Variants in GABBR2 observed in about 807,000 individuals in gnomAD.
GABBR2 encodes the protein gamma-aminobutyric acid type B receptor subunit 2.
Under a neutral mutation model 105.6 loss-of-function variants are expected in GABBR2, and 23 were observed. The ratio of observed to expected loss-of-function variants is 0.22; its 90% CI spans 0.16 to 0.31. The LOEUF is 0.31. Ranked by LOEUF, GABBR2 falls within the 10% of genes least tolerant of loss-of-function variation. GABBR2 has a pLI of 1.00. For missense variants in GABBR2, 734 were observed against 1,245.5 expected (o/e 0.59, Z 6.18); for synonymous variants, 478 against 499.7 (o/e 0.96, Z 0.58).
chr9:98,635,809 G>A (rs1345110582), intron 1 of GABBR2, among the ~76,000 whole-genome samples: 2 of 152,192 alleles, frequency 1.3e-5, no homozygotes, highest in Non-Finnish European at 2.9e-5. Context: ...GTCTTAGACT[G>A]GGTACAGGAT....
intron 1 of GABBR2, among the ~76,000 whole-genome samples, chr9:98,603,809 G>C (rs1420060957): frequency 6.6e-6 from 1 of 152,124 alleles, no homozygotes; most frequent in Non-Finnish European, 1.5e-5. Flanking sequence ...AGAATATTCT[G>C]GTTCTTACTT....
At chr9:98,670,262 C>T (rs942724397) in intron 1 of GABBR2, among the ~76,000 whole-genome samples, 1 of 148,746 alleles carries the variant, frequency 6.7e-6, no homozygotes, top group African/African-American at 2.6e-5. Flanking sequence ...AGAACATTTT[C>T]GTCACCTCAA....
chr9:98,428,830 G>A (rs1208511510), intron 7 of GABBR2, among the ~76,000 whole-genome samples: 1 of 152,198 alleles, frequency 6.6e-6, no homozygotes, highest in Non-Finnish European at 1.5e-5. Context: ...GGCCTAGAAT[G>A]GACCTGGCCC....
At chr9:98,491,513 G>A (rs966103053) in intron 4 of GABBR2, among the ~76,000 whole-genome samples, 3 of 152,180 alleles carry the variant, frequency 2.0e-5, no homozygotes, top group Non-Finnish European at 4.4e-5. Context: ...ACATGGATGA[G>A]ATTTCCTTTG....
intron 1 of GABBR2, among the ~76,000 whole-genome samples, chr9:98,660,607 A>T (rs1400053148): frequency 6.6e-6 from 1 of 152,220 alleles, no homozygotes; most frequent in Non-Finnish European, 1.5e-5. Context: ...AAACAACACA[A>T]ATGTACTATT....
At chr9:98,673,712 T>C (rs887786351) in intron 1 of GABBR2, among the ~76,000 whole-genome samples, 13 of 152,126 alleles carry the variant, frequency 8.5e-5, no homozygotes, top group African/African-American at 2.4e-4. Flanking sequence ...CCGAGTACAA[T>C]TGATGCCCTA....
intron 15 of GABBR2, among the ~76,000 whole-genome samples, chr9:98,304,532 C>T (rs908019416): frequency 2.6e-5 from 4 of 152,192 alleles, no homozygotes; most frequent in African/African-American, 4.8e-5. Flanking sequence ...AGAGAAGTCA[C>T]GGTGTTGCCC....
At chr9:98,376,313 C>T (rs1354124635) in intron 11 of GABBR2, among the ~76,000 whole-genome samples, 1 of 152,174 alleles carries the variant, frequency 6.6e-6, no homozygotes, top group Non-Finnish European at 1.5e-5. Context: ...CAGGCCTGTT[C>T]TGACAGATGA....
At chr9:98,394,910 T>C (rs1028319381) in intron 8 of GABBR2, among the ~76,000 whole-genome samples, 1 of 152,308 alleles carries the variant, frequency 6.6e-6, no homozygotes, top group African/African-American at 2.4e-5. Context: ...CATCCTTAGG[T>C]TGAATTTGCA....
At chr9:98,359,232 A>G (rs1306650155) in intron 13 of GABBR2, among the ~76,000 whole-genome samples, 1 of 152,074 alleles carries the variant, frequency 6.6e-6, no homozygotes, top group East Asian at 1.9e-4. Context: ...GTTTGAGACC[A>G]GCCTGGACAA....
intron 11 of GABBR2, among the ~76,000 whole-genome samples, chr9:98,374,588 A>G (rs648085): frequency 0.33 from 50,622 of 152,090 alleles, 9,902 homozygotes; most frequent in African/African-American, 0.54. Context: ...ATTTTGTTAC[A>G]TAGTAGGCAG....
rs763713514 is a variant in GABBR2, at chr9:98,708,483, G to T, written c.255C>A (p.Ile85=). ...RGVLPAVELA[I]EQIRNESLLR... is the part of the protein sequence containing the mutation. ...GGAGTGACTCGTTGCGGATCTGCTC[G>T]ATGGCCAGTTCCACGGCGGGGAGCA... The change falls in exon 1 of 19, where the codon ATC becomes ATA. Residue 85 remains isoleucine, a synonymous_variant. Coordinates refer to ENST00000259455, the MANE Select transcript of GABBR2 (RefSeq NM_005458.8). 6.3e-7 allele frequency: 1 copy of T among 1,594,102 alleles called. No homozygotes were observed. Among genetic ancestry groups the T allele is most frequent in the East Asian group, 2.3e-5 (1 of 43,836 alleles).
intron 1 of GABBR2, among the ~76,000 whole-genome samples, chr9:98,671,020 A>T (rs138129632): frequency 5.4e-4 from 82 of 152,358 alleles, no homozygotes; most frequent in Non-Finnish European, 1.1e-3. Context: ...TGATTAAAAA[A>T]ATGGAAAATG....
At chr9:98,701,313 G>T (rs992632180) in intron 1 of GABBR2, among the ~76,000 whole-genome samples, 5 of 152,150 alleles carry the variant, frequency 3.3e-5, no homozygotes, top group Non-Finnish European at 7.4e-5. Flanking sequence ...AAGGAATTTG[G>T]GGACAGAGAA....
At chr9:98,704,259 G>T (rs548992883) in intron 1 of GABBR2, among the ~76,000 whole-genome samples, 3 of 152,106 alleles carry the variant, frequency 2.0e-5, no homozygotes, top group Admixed American at 6.5e-5. Context: ...AAGATATTTG[G>T]CAAAGCCACT....
chr9:98,693,217 C>T (rs1177540426), intron 1 of GABBR2, among the ~76,000 whole-genome samples: 4 of 152,226 alleles, frequency 2.6e-5, no homozygotes, highest in Non-Finnish European at 4.4e-5. Context: ...GGTCCTGCCC[C>T]CTGATGAGGT....
At chr9:98,316,305 C>T (rs1830716945) in intron 13 of GABBR2, among the ~76,000 whole-genome samples, 1 of 152,214 alleles carries the variant, frequency 6.6e-6, no homozygotes, top group Non-Finnish European at 1.5e-5. Flanking sequence ...GCATGCGCCA[C>T]CACGCCCAGC....
In GABBR2 at chr9:98,321,778, G is replaced by A. The variant is rs532820363; in HGVS notation, c.1894-10573C>T. Among the ~76,000 whole-genome samples the A allele has an allele frequency of 7.2e-5, 11 of 152,288 alleles. No individual in the cohort carries two copies. The South Asian group carries it at 2.3e-3, about 32-fold the overall frequency. On this transcript the variant is annotated intron_variant, in intron 13 of 18. Transcript: ENST00000259455. ...AGAAGAAATAAAGTAAGAACATGAC[G>A]ACAGCACAGTTGTGTGGCTTATACT... is the stretch of plus-strand genomic sequence containing the variant.
At chr9:98,612,921 G>T (rs928661073) in intron 1 of GABBR2, among the ~76,000 whole-genome samples, 9 of 152,336 alleles carry the variant, frequency 5.9e-5, no homozygotes, top group Middle Eastern at 3.4e-3. Context: ...TTGAAGCAAA[G>T]GGTTGGAGCA....
Sources: gnomAD v4.1 joint callset for allele counts (sites outside exome capture counted in the v4.1 genomes callset) on GRCh38, gnomAD v4.1.1 for gene constraint, MANE v1.5 for transcripts, NCBI Gene and HGNC (gene_info 2026-07-23, HGNC 2026-07-21) for gene names.